The following SPAG16 variants were observed in gnomAD, a reference collection of about 807,000 sequenced individuals.
The protein encoded by SPAG16 is sperm associated antigen 16, also known as sperm-associated antigen 16 protein.
In SPAG16, 86 loss-of-function variants were observed where a neutral mutation model predicts 80.4. That is an observed-to-expected ratio of 1.07 (90% confidence interval 0.90 to 1.28). The LOEUF (loss-of-function observed/expected upper bound fraction) is 1.28, where lower values mean the gene tolerates loss of function less well. Among genes scored for constraint, SPAG16 ranks in the 50% most tolerant of loss-of-function variants. The probability of loss-of-function intolerance (pLI) is 0.00; values close to 1 mark genes in which losing one functional copy is unlikely to be tolerated. For synonymous variants in SPAG16, 294 were observed against 265.9 expected, an observed-to-expected ratio of 1.11 and a Z score of -1.03; for missense variants, 870 against 765.3, an observed-to-expected ratio of 1.14 and a Z score of -1.61.
intron 10 of SPAG16, among the ~76,000 whole-genome samples, chr2:213,641,243 A>C (rs938376741): frequency 6.6e-6 from 1 of 152,150 alleles, no homozygotes; most frequent in African/African-American, 2.4e-5. Context: ...GACAGGCCTC[A>C]CCCAGCTCCC....
intron 7 of SPAG16, among the ~76,000 whole-genome samples, chr2:213,357,369 CATT>C (rs1218931648): frequency 6.6e-6 from 1 of 152,038 alleles, no homozygotes; most frequent in African/African-American, 2.4e-5. Context: ...TAAAGTCTCC[CATT>C]ATTATTGTGT....
chr2:213,771,650 C>A (rs1221876431), intron 10 of SPAG16, among the ~76,000 whole-genome samples: 1 of 152,042 alleles, frequency 6.6e-6, no homozygotes, highest in Non-Finnish European at 1.5e-5. Context: ...AGAAGGGGTC[C>A]AGTTTCAATT....
chr2:213,373,108 CATAGCCTTTGTCA>C (rs138385685), intron 8 of SPAG16, among the ~76,000 whole-genome samples: 2,647 of 152,186 alleles, frequency 0.017, 73 homozygotes, highest in African/African-American at 0.06. Context: ...CTGTTGGTAC[CATAGCCTTTGTCA>C]TTAATAAGCA....
At chr2:214,149,358 T>G in intron 15 of SPAG16, 92 bp downstream of exon 15, 1 of 1,217,578 alleles carries the variant, frequency 8.2e-7, no homozygotes, top group Non-Finnish European at 1.1e-6. Flanking sequence ...TGTATGTATT[T>G]CTACGTAAAT....
In SPAG16 at chr2:213,980,284, A is replaced by AC. The variant is rs2045641572; in HGVS notation, c.1401-33667_1401-33666insC. 7.1e-4 allele frequency among the ~76,000 whole-genome samples: 30 copies of AC among 42,492 alleles called. 4 individuals are homozygous for AC. Among genetic ancestry groups the AC allele is most frequent in the African/African-American group, 5.6e-3 (30 of 5,370 alleles). The allele number at this position is 42,492 out of a possible 152,430, so 27.9% of individuals were successfully genotyped here. On this transcript the variant is annotated intron_variant, in intron 12 of 15. Transcript: ENST00000331683. ...GTATATATATTCTCTATATATATAG[A>AC]ATATATGTGTGTATATATATTCTCT... is the stretch of plus-strand genomic sequence containing the variant.
At chr2:213,869,269 ATATATATATATG>A (rs932887810) in intron 11 of SPAG16, among the ~76,000 whole-genome samples, 10 of 82,846 alleles carry the variant, frequency 1.2e-4, no homozygotes, top group African/African-American at 3.3e-4. Context: ...AAAAAAATAT[ATATATATATATG>A]TATATATATA....
intron 12 of SPAG16, among the ~76,000 whole-genome samples, chr2:213,997,375 C>T (rs1435349332): frequency 6.6e-6 from 1 of 152,172 alleles, no homozygotes; most frequent in Non-Finnish European, 1.5e-5. Context: ...CAGAAGGGTT[C>T]GGCCTACATA....
At chr2:214,059,238 A>ATATATG (rs1359411407) in intron 13 of SPAG16, among the ~76,000 whole-genome samples, 39 of 112,682 alleles carry the variant, frequency 3.5e-4, no homozygotes, top group African/African-American at 1.3e-3. Flanking sequence ...ATATATATAT[A>ATATATG]TATGTATGTA....
chr2:214,068,461 A>G (rs1298217952), intron 13 of SPAG16, among the ~76,000 whole-genome samples: 3 of 152,172 alleles, frequency 2.0e-5, no homozygotes, highest in African/African-American at 7.2e-5. Flanking sequence ...CATGGTTCCC[A>G]CATAGTACTC....
chr2:213,828,747 G>A (rs1250400291), intron 10 of SPAG16, among the ~76,000 whole-genome samples: 1 of 152,220 alleles, frequency 6.6e-6, no homozygotes, highest in Non-Finnish European at 1.5e-5. Flanking sequence ...GCATTAGGGA[G>A]TACCCAAAGC....
chr2:214,074,877 A>C (rs1283955168), intron 13 of SPAG16, among the ~76,000 whole-genome samples: 1 of 152,214 alleles, frequency 6.6e-6, no homozygotes, highest in Non-Finnish European at 1.5e-5. Context: ...GTAAAACAGC[A>C]GATAACGCAA....
At chr2:213,782,669 C>T (rs959954632) in intron 10 of SPAG16, among the ~76,000 whole-genome samples, 1 of 152,070 alleles carries the variant, frequency 6.6e-6, no homozygotes, top group Non-Finnish European at 1.5e-5. Context: ...GTAGGTTTTA[C>T]CACATTTTAC....
chr2:214,087,032 A>ATT (rs147808762), intron 13 of SPAG16, among the ~76,000 whole-genome samples: 15 of 151,862 alleles, frequency 9.9e-5, no homozygotes, highest in African/African-American at 3.6e-4. Flanking sequence ...CTTTCTTGTG[A>ATT]TTTTTCATTC....
At chr2:213,985,886 C>G (rs1183509852) in intron 12 of SPAG16, among the ~76,000 whole-genome samples, 4 of 152,014 alleles carry the variant, frequency 2.6e-5, no homozygotes, top group Non-Finnish European at 4.4e-5. Flanking sequence ...GAATGGCCCT[C>G]CAACATGCCA....
chr2:213,935,723 T>G (rs978756528), intron 12 of SPAG16, among the ~76,000 whole-genome samples: 3 of 152,214 alleles, frequency 2.0e-5, no homozygotes, highest in Admixed American at 2.0e-4. Flanking sequence ...CTGATAGGAA[T>G]GAGTTTTGCT....
rs901410892 is a variant in SPAG16 at position 214,170,363 on chromosome 2, T to A, written c.1720+21097T>A. Among the ~76,000 whole-genome samples the A allele has an allele frequency of 6.6e-5, 10 of 152,010 alleles. No homozygotes were observed. In the East Asian group the frequency reaches 1.9e-3, roughly 29 times the overall value. On this transcript the variant is annotated intron_variant, in intron 15 of 15. Transcript: ENST00000331683. ...ATTTCATTGCTGCAATTCTACCTAG[T>A]GTCTCACATAAATACAAGATCATCA...
intron 10 of SPAG16, among the ~76,000 whole-genome samples, chr2:213,829,330 G>T (rs547886321): frequency 6.6e-6 from 1 of 152,170 alleles, no homozygotes; most frequent in Admixed American, 6.5e-5. Flanking sequence ...TGCACATAAG[G>T]CTCAAGTGTC....
At chr2:214,230,468 A>G (rs1246848441) in intron 15 of SPAG16, among the ~76,000 whole-genome samples, 2 of 152,062 alleles carry the variant, frequency 1.3e-5, no homozygotes, top group Admixed American at 1.3e-4. Flanking sequence ...CGTCAGTGAT[A>G]TTAAATATTT....
chr2:213,730,431 T>G (rs1278055818), intron 10 of SPAG16, among the ~76,000 whole-genome samples: 1 of 152,220 alleles, frequency 6.6e-6, no homozygotes. Flanking sequence ...TGTCTTGACT[T>G]TTTTATTCCA....
Sources: allele counts gnomAD v4.1 joint callset (sites outside exome capture counted in the v4.1 genomes callset), GRCh38; gene constraint gnomAD v4.1.1; transcripts MANE v1.5; gene names NCBI Gene and HGNC (gene_info 2026-07-23, HGNC 2026-07-21).